UGT2B7: variants seen among roughly 807,000 people sequenced by gnomAD.
UGT2B7 encodes the protein UDP-glucuronosyltransferase 2B7.
In UGT2B7, 51 loss-of-function variants were observed where a neutral mutation model predicts 51.9. That is an observed-to-expected ratio of 0.98 (90% CI 0.78 to 1.24). UGT2B7 has a LOEUF of 1.24. Among genes scored for constraint, UGT2B7 ranks in the 50% most tolerant of loss-of-function variants. The pLI is 0.00. For missense variants in UGT2B7, 727 were observed against 628.4 expected (o/e 1.16, Z -1.68); for synonymous variants, 225 against 211.6 (o/e 1.06, Z -0.55).
At chr4:69,104,442 C>A (rs555367519) in intron 3 of UGT2B7, among the ~76,000 whole-genome samples, 1 of 152,000 alleles carries the variant, frequency 6.6e-6, no homozygotes, top group South Asian at 2.1e-4. Context: ...TAGTTTTTTA[C>A]ATTTTTAAAA....
chr4:69,061,787 GC>G (rs895218049), intron 1 of UGT2B7, among the ~76,000 whole-genome samples: 4 of 152,096 alleles, frequency 2.6e-5, no homozygotes, highest in Non-Finnish European at 4.4e-5. Context: ...GGCCCACTCA[GC>G]CCCCGGGAAT....
At chr4:69,059,104 G>A (rs538906907) in intron 1 of UGT2B7, among the ~76,000 whole-genome samples, 35 of 152,360 alleles carry the variant, frequency 2.3e-4, no homozygotes, top group Admixed American at 2.0e-3. Flanking sequence ...AAGGATATGA[G>A]GACTAGGACA....
upstream of UGT2B7, among the ~76,000 whole-genome samples, chr4:69,094,929 C>T (rs1243805799): frequency 2.6e-5 from 4 of 152,204 alleles, no homozygotes. Flanking sequence ...TAGATTCCAT[C>T]TCAGGAAACA....
chr4:69,063,181 T>C (rs2109863900), intron 1 of UGT2B7, among the ~76,000 whole-genome samples: 1 of 149,862 alleles, frequency 6.7e-6, no homozygotes, highest in South Asian at 2.1e-4. Context: ...TAGCCGGGCG[T>C]AGTGGCGGGC....
chr4:69,070,770 C>T (rs1718583542), intron 1 of UGT2B7, among the ~76,000 whole-genome samples: 2 of 152,052 alleles, frequency 1.3e-5, no homozygotes, highest in Non-Finnish European at 2.9e-5. Flanking sequence ...AAAGCCTCAG[C>T]ATGAAGGCTA....
At chr4:69,055,298 G>A (rs1718159378) in intron 1 of UGT2B7, among the ~76,000 whole-genome samples, 1 of 149,374 alleles carries the variant, frequency 6.7e-6, no homozygotes, top group Non-Finnish European at 1.5e-5. Context: ...CTGGTCTTGT[G>A]TCATTTAGAC....
chr4:69,102,656 AC>A (rs1719456222), intron 2 of UGT2B7, 150 bp from the exon 3 acceptor site: 1 of 1,227,488 alleles, frequency 8.1e-7, no homozygotes, highest in African/African-American at 1.5e-5. Context: ...TTGCAAAAAA[AC>A]TGAGTGATTG....
At chr4:69,074,787 T>C (rs1328976966) in intron 1 of UGT2B7, among the ~76,000 whole-genome samples, 1 of 152,100 alleles carries the variant, frequency 6.6e-6, no homozygotes, top group Admixed American at 6.6e-5. Flanking sequence ...TTTTTCATAG[T>C]TTTCACAAGC....
chr4:69,098,472 C>A, intron 1 of UGT2B7, 68 bp from the exon 2 acceptor site: 1 of 1,560,410 alleles, frequency 6.4e-7, no homozygotes, highest in Non-Finnish European at 8.6e-7. Flanking sequence ...TTATTCTAAC[C>A]CCTTTCAGAA....
At position 69,073,682 on chromosome 4, in the gene UGT2B7, T is replaced by C. The variant is rs1365854779; in HGVS notation, c.-158-15790T>C. On this transcript the variant is annotated intron_variant, in intron 1 of 5. Transcript: ENST00000502942. ...ACAAACACATTGAATAGGTCATAAATGCTTGGACAAATCATATAATGAGTA... is the reference window on the plus strand; with the variant it reads ...ACAAACACATTGAATAGGTCATAAACGCTTGGACAAATCATATAATGAGTA... Among the ~76,000 whole-genome samples the C allele has an allele frequency of 2.6e-5, 4 of 152,146 alleles. No individual in the cohort carries two copies. In the East Asian group the frequency reaches 7.7e-4, roughly 29 times the overall value.
intron 1 of UGT2B7, chr4:69,069,827 G>A (rs539048970): frequency 6.6e-6 from 1 of 152,158 alleles, no homozygotes; most frequent in Admixed American, 6.6e-5. Flanking sequence ...TACTCTCTTT[G>A]TCATAATATG....
In UGT2B7 at chr4:69,098,662, T is replaced by C. The variant is rs1719325095; in HGVS notation, c.844T>C (p.Cys282Arg). The C allele has an allele frequency of 1.2e-6, 2 of 1,611,692 alleles. No homozygotes were observed. The highest frequency in any genetic ancestry group is 2.2e-5 in the South Asian group (2 of 90,848). The change falls in exon 2 of 6, where the codon TGC becomes CGC. Residue 282 changes from cysteine (C) to arginine (R), a missense_variant. By Grantham distance (180) the Cys-to-Arg change is radical (BLOSUM62 -3). Transcript: ENST00000305231. The stretch of plus-strand genomic sequence containing the variant: ...TGTTGATTTTGTTGGAGGACTCCAC[T>C]GCAAACCTGCCAAACCCCTGCCTAA... ...PNVDFVGGLH[C>R]KPAKPLPKEM...
At chr4:69,111,456 G>A (rs1192282000) in intron 5 of UGT2B7, among the ~76,000 whole-genome samples, 3 of 152,020 alleles carry the variant, frequency 2.0e-5, no homozygotes, top group Non-Finnish European at 2.9e-5. Context: ...TTACTTTTTC[G>A]GAACTTAGAG....
chr4:69,086,189 A>G (rs1312827614), intron 1 of UGT2B7, among the ~76,000 whole-genome samples: 6 of 151,494 alleles, frequency 4.0e-5, no homozygotes, highest in Admixed American at 4.0e-4. Flanking sequence ...GTTTTGTTAT[A>G]TTGTCTTTCC....
At chr4:69,084,864 C>T (rs1401684981) in intron 1 of UGT2B7, among the ~76,000 whole-genome samples, 2 of 152,114 alleles carry the variant, frequency 1.3e-5, no homozygotes, top group Non-Finnish European at 2.9e-5. Flanking sequence ...TCCAGTCTAT[C>T]ATTGATGGGC....
rs1237340515 is a variant in UGT2B7 at position 69,063,969 on chromosome 4, C to T, written c.-159+12367C>T. ...AATGAGGAATTAAATGATAGTGATG[C>T]CTTCTATTGAATTCCATTTACAGGA... On this transcript the variant is annotated intron_variant, in intron 1 of 5. Transcript: ENST00000502942. 6.8e-5 allele frequency among the ~76,000 whole-genome samples: 10 copies of T among 146,998 alleles called. No homozygotes were observed. The South Asian group carries it at 1.7e-3, about 26-fold the overall frequency.
chr4:69,095,091 T>G (rs531615588), upstream of UGT2B7, among the ~76,000 whole-genome samples: 151 of 152,348 alleles, frequency 9.9e-4, no homozygotes, highest in African/African-American at 3.6e-3. Flanking sequence ...ATTAAAGTTT[T>G]GTTATAGGAC....
At chr4:69,104,082 T>G (rs1719516402) in intron 3 of UGT2B7, among the ~76,000 whole-genome samples, 1 of 151,998 alleles carries the variant, frequency 6.6e-6, no homozygotes. Context: ...AGGTCAGAAG[T>G]TCAAGACCAG....
At position 69,108,322 on chromosome 4, in the gene UGT2B7, C is replaced by T. The variant is rs139693571; in HGVS notation, c.1310C>T (p.Ser437Leu). The change falls in exon 5 of 6, where the codon TCA becomes TTA. Residue 437 changes from serine to leucine, a missense_variant and splice_region_variant. Physicochemically the swap from Ser to Leu is moderately radical, Grantham distance 145. Transcript: ENST00000305231. ...NALKRVINDP[S>L]YKENVMKLSR... ...TTGAAGAGAGTAATTAATGATCCTT[C>T]GTGAGTAGAACAATATTTTTCACTA... 2.0e-4 allele frequency: 326 copies of T among 1,612,976 alleles called. No individual in the cohort carries two copies. The highest frequency in any genetic ancestry group is 2.6e-4 in the Non-Finnish European group (304 of 1,179,306).
Sources: allele counts gnomAD v4.1 joint callset (sites outside exome capture counted in the v4.1 genomes callset), GRCh38; gene constraint gnomAD v4.1.1; transcripts MANE v1.5; gene names NCBI Gene and HGNC (gene_info 2026-07-23, HGNC 2026-07-21).